The following MYRFL variants were observed in gnomAD, a reference collection of about 807,000 sequenced individuals.
MYRFL encodes myelin regulatory factor-like protein.
Under a neutral mutation model 109.4 loss-of-function variants are expected in MYRFL, and 88 were observed. The observed-to-expected ratio is 0.80, with a 90% CI of 0.68 to 0.96. MYRFL has a LOEUF of 0.96. Ranked by LOEUF, MYRFL falls within the 40% of genes least tolerant of loss-of-function variation. MYRFL has a pLI of 0.00. For missense variants in MYRFL, 957 were observed against 954.9 expected (o/e 1.00, Z -0.03); for synonymous variants, 324 against 320.9 (o/e 1.01, Z -0.10).
Position 69,955,364 on chromosome 12 carries a change from T to C in MYRFL, c.2377T>C (p.Ser793Pro), listed in dbSNP as rs965688966. The change falls in exon 22 of 25, where the codon TCT becomes CCT. Residue 793 changes from serine (S) to proline (P), a missense_variant and splice_region_variant. Coordinates refer to ENST00000552032, the MANE Select transcript of MYRFL (RefSeq NM_182530.3). ...GTTTTATTTTCTTTCCATAATTAGA[T>C]CTGGAAATTATAATTACAATATTCC... is the stretch of plus-strand genomic sequence containing the variant. ...QYCIQSLQCG[S>P]GNYNYNIPVN... is the part of the protein sequence containing the mutation. The C allele has an allele frequency of 3.1e-6, 2 of 636,952 alleles. No homozygotes were observed. The highest frequency in any genetic ancestry group is 5.5e-6 in the Non-Finnish European group (2 of 360,824). 39.5% of individuals were successfully genotyped at this position (636,952 alleles called of 1,614,324 possible).
chr12:69,955,258 A>G (rs1012932601), intron 21 of MYRFL, 105 bp from the exon 22 acceptor site: 10 of 437,728 alleles, frequency 2.3e-5, no homozygotes, highest in African/African-American at 4.0e-5. Flanking sequence ...ATTATTTACT[A>G]TATAATATTT....
chr12:69,947,102 G>A (rs1446924312), intron 19 of MYRFL: 1 of 152,170 alleles, frequency 6.6e-6, no homozygotes, highest in Admixed American at 6.5e-5. Context: ...AAATACAAAA[G>A]AGGAGAAGTC....
At chr12:69,852,680 G>A (rs2136320933) in intron 1 of MYRFL, among the ~76,000 whole-genome samples, 1 of 149,818 alleles carries the variant, frequency 6.7e-6, no homozygotes, top group East Asian at 2.0e-4. Context: ...GGGAAGGTCA[G>A]CAGATAAACA....
intron 1 of MYRFL, among the ~76,000 whole-genome samples, chr12:69,837,461 TC>T (rs776199663): frequency 2.8e-4 from 42 of 152,170 alleles, no homozygotes; most frequent in African/African-American, 9.6e-4. Context: ...GAGCCCTGTC[TC>T]CGGGGGAGTG....
chr12:69,932,366 G>A (rs1955297424), intron 15 of MYRFL, 147 bp from the exon 16 acceptor site: 2 of 577,464 alleles, frequency 3.5e-6, no homozygotes, highest in Non-Finnish European at 3.1e-6. Context: ...AGAGAGGCAG[G>A]GAGGAGGAAA....
intron 7 of MYRFL, 130 bp from the exon 8 acceptor site, chr12:69,893,634 C>A: frequency 2.8e-6 from 1 of 354,112 alleles, no homozygotes; most frequent in Non-Finnish European, 4.8e-6. Context: ...TGTGTCTTTT[C>A]AGTGACTTGT....
chr12:69,955,856 A>G (rs1956081990), intron 22 of MYRFL, among the ~76,000 whole-genome samples: 1 of 152,082 alleles, frequency 6.6e-6, no homozygotes, highest in South Asian at 2.1e-4. Flanking sequence ...GAAAAAAAAA[A>G]AAAAAGGAAC....
chr12:69,825,612 A>G (rs763962740), intron 1 of MYRFL, 49 bp downstream of exon 1: 193 of 693,718 alleles, frequency 2.8e-4, no homozygotes, highest in Non-Finnish European at 4.6e-4. Context: ...AGAAATGCTC[A>G]CTATCCCTGT....
chr12:69,902,022 T>A (rs1954209957), intron 10 of MYRFL, among the ~76,000 whole-genome samples: 1 of 151,994 alleles, frequency 6.6e-6, no homozygotes, highest in Non-Finnish European at 1.5e-5. Flanking sequence ...GCCTCCTGAG[T>A]AGCTGGGGCT....
intron 21 of MYRFL, among the ~76,000 whole-genome samples, chr12:69,955,101 A>G (rs959666245): frequency 5.9e-5 from 9 of 152,178 alleles, no homozygotes; most frequent in African/African-American, 2.2e-4. Context: ...TTGACTTTCC[A>G]TCATTGTTTT....
Position 69,937,442 on chromosome 12 carries a change from A to G in MYRFL, c.2224+810A>G, listed in dbSNP as rs534549757. 3.3e-5 allele frequency among the ~76,000 whole-genome samples: 5 copies of G among 152,330 alleles called. No homozygotes were observed. The East Asian group carries it at 9.6e-4, about 29-fold the overall frequency. Reference sequence around the variant, plus strand: ...CAACAATTTAATTCTGAGTCACTCTATATATTAAATGTGAATCAAAAGACA... The same window carrying G: ...CAACAATTTAATTCTGAGTCACTCTGTATATTAAATGTGAATCAAAAGACA... On this transcript the variant is annotated intron_variant, in intron 19 of 24. Transcript: ENST00000552032.
chr12:69,929,442 C>T (rs1283873051), intron 15 of MYRFL, among the ~76,000 whole-genome samples: 3 of 152,068 alleles, frequency 2.0e-5, no homozygotes, highest in Non-Finnish European at 4.4e-5. Context: ...AGAGTTGAGC[C>T]TTAAAGGAGG....
At position 69,852,793 on chromosome 12, in the gene MYRFL, A is replaced by ACGAG. The variant is rs752746944; in HGVS notation, c.47-2484_47-2481dup. ...GATTAGGGAGTGGTGATGACTCTTA[A>ACGAG]CGAGCGTGCTGCCTTCAAGCATCTG... On this transcript the variant is annotated intron_variant, in intron 1 of 24. Coordinates refer to ENST00000552032, the MANE Select transcript of MYRFL (RefSeq NM_182530.3). Among the ~76,000 whole-genome samples the ACGAG allele has an allele frequency of 8.7e-4, 132 of 151,976 alleles. 1 individual carries two copies. Among genetic ancestry groups the ACGAG allele is most frequent in the Non-Finnish European group, 1.4e-3 (94 of 67,960 alleles).
intron 11 of MYRFL, 101 bp from the exon 12 acceptor site, chr12:69,909,868 T>G (rs1954496611): frequency 1.2e-6 from 1 of 820,300 alleles, no homozygotes; most frequent in South Asian, 2.0e-5. Flanking sequence ...TCCAGCAAAA[T>G]GTCCAAAAGC....
chr12:69,926,699 T>C lies in MYRFL; in HGVS notation c.1731T>C (p.Ser577=), dbSNP rs1269609474. 1.3e-6 allele frequency: 2 copies of C among 1,511,644 alleles called. No homozygotes were observed. Among genetic ancestry groups the C allele is most frequent in the Non-Finnish European group, 1.8e-6 (2 of 1,133,418 alleles). The allele number at this position is 1,511,644 out of a possible 1,614,324, so 93.6% of individuals were successfully genotyped here. The change falls in exon 14 of 25, where the codon AGT becomes AGC. Residue 577 remains serine (S), a synonymous_variant. Coordinates refer to ENST00000552032, the MANE Select transcript of MYRFL (RefSeq NM_182530.3). ...RKLARLKRLS[S]WKSSASEAST... ...TGGCCCGGCTAAAGCGGCTCAGTAGTTGGAAGTCATCAGCCAGTGAAGCAA... is the reference window on the plus strand; with the variant it reads ...TGGCCCGGCTAAAGCGGCTCAGTAGCTGGAAGTCATCAGCCAGTGAAGCAA...
At chr12:69,897,778 G>A (rs541233863) in intron 10 of MYRFL, among the ~76,000 whole-genome samples, 1 of 152,230 alleles carries the variant, frequency 6.6e-6, no homozygotes, top group African/African-American at 2.4e-5. Context: ...CCCACAGGGT[G>A]GGGAAAGTGG....
chr12:69,908,690 A>T (rs1954458027), intron 11 of MYRFL, among the ~76,000 whole-genome samples: 2 of 152,362 alleles, frequency 1.3e-5, no homozygotes, highest in Admixed American at 6.5e-5. Context: ...ATAATCATAT[A>T]TGATTACGTA....
chr12:69,896,683 G>A (rs949703515), intron 9 of MYRFL, among the ~76,000 whole-genome samples: 1 of 152,200 alleles, frequency 6.6e-6, no homozygotes, highest in Non-Finnish European at 1.5e-5. Flanking sequence ...AGTGTGGTGG[G>A]GCAGACCCTA....
chr12:69,913,947 GTTTA>G (rs1346091203), intron 13 of MYRFL, among the ~76,000 whole-genome samples: 2 of 152,084 alleles, frequency 1.3e-5, no homozygotes, highest in African/African-American at 2.4e-5. Context: ...ATGTATTTCT[GTTTA>G]TTTATGCTTT....
Sources: allele counts gnomAD v4.1 joint callset (sites outside exome capture counted in the v4.1 genomes callset), GRCh38; gene constraint gnomAD v4.1.1; transcripts MANE v1.5; gene names NCBI Gene and HGNC (gene_info 2026-07-23, HGNC 2026-07-21).